Variants in KIAA0513 observed in about 807,000 individuals in gnomAD.
KIAA0513 encodes uncharacterized protein KIAA0513.
In KIAA0513, 39 loss-of-function variants were observed where a neutral mutation model predicts 56.5. The ratio of observed to expected loss-of-function variants is 0.69; its 90% CI spans 0.53 to 0.90. The LOEUF (loss-of-function observed/expected upper bound fraction) is 0.90. Ranked by LOEUF, KIAA0513 falls within the 40% of genes least tolerant of loss-of-function variation. The probability of loss-of-function intolerance (pLI) is 0.00; values close to 1 mark genes in which losing one functional copy is unlikely to be tolerated. For missense variants in KIAA0513, 591 were observed against 535.2 expected, an observed-to-expected ratio of 1.10 and a Z score of -1.03; for synonymous variants, 268 against 215.6, an observed-to-expected ratio of 1.24 and a Z score of -2.13.
chr16:85,041,583 A>C (rs576531290), intron 1 of KIAA0513, among the ~76,000 whole-genome samples: 23 of 152,196 alleles, frequency 1.5e-4, no homozygotes, highest in Admixed American at 4.6e-4. Context: ...TTGCCAAGTG[A>C]ATGGCTTGAA....
chr16:85,039,589 AAT>A (rs2073079070), intron 1 of KIAA0513, among the ~76,000 whole-genome samples: 1 of 151,980 alleles, frequency 6.6e-6, no homozygotes, highest in Non-Finnish European at 1.5e-5. Flanking sequence ...CAGACTTGGG[AAT>A]ACTCCTGAGT....
At chr16:85,071,714 C>T (rs2073576539) in intron 2 of KIAA0513, 69 bp from the exon 3 acceptor site, 9 of 1,264,084 alleles carry the variant, frequency 7.1e-6, no homozygotes, top group South Asian at 5.5e-5. Context: ...CCTTGCTCTT[C>T]CCCTGTTGCT....
intron 10 of KIAA0513, among the ~76,000 whole-genome samples, chr16:85,086,207 C>T (rs762447223): frequency 6.6e-6 from 1 of 152,306 alleles, no homozygotes; most frequent in African/African-American, 2.4e-5. Flanking sequence ...AAAAACGTTC[C>T]CTGGGCCACC....
chr16:85,078,273 A>G, intron 6 of KIAA0513, 142 bp from the exon 7 acceptor site: 2 of 763,108 alleles, frequency 2.6e-6, no homozygotes, highest in African/African-American at 1.8e-5. Context: ...TGACAAATAG[A>G]GCCTTGATTT....
intron 2 of KIAA0513, among the ~76,000 whole-genome samples, chr16:85,070,704 C>T (rs2073560915): frequency 6.6e-6 from 1 of 152,180 alleles, no homozygotes. Flanking sequence ...AATAAAAATG[C>T]ATTTATGTTT....
intron 1 of KIAA0513, among the ~76,000 whole-genome samples, chr16:85,066,057 T>C (rs1218499131): frequency 2.6e-5 from 4 of 152,180 alleles, no homozygotes; most frequent in Admixed American, 2.6e-4. Flanking sequence ...GCGTATACTT[T>C]ACGGGTAAAC....
intron 4 of KIAA0513, 85 bp downstream of exon 4, chr16:85,073,083 C>A (rs567471923): frequency 3.5e-6 from 4 of 1,149,422 alleles, no homozygotes; most frequent in South Asian, 2.5e-5. Flanking sequence ...CGTGTCATAA[C>A]CCAGCTGTGA....
intron 1 of KIAA0513, among the ~76,000 whole-genome samples, chr16:85,030,181 C>T (rs974184049): frequency 4.6e-5 from 7 of 152,156 alleles, no homozygotes; most frequent in East Asian, 1.9e-4. Flanking sequence ...TTTATTTAGA[C>T]GTCCTTGAGA....
intron 1 of KIAA0513, among the ~76,000 whole-genome samples, 173 bp downstream of exon 1, chr16:85,028,031 T>A (rs1567515854): frequency 1.3e-5 from 2 of 151,850 alleles, no homozygotes; most frequent in Non-Finnish European, 2.9e-5. Context: ...GGGCGGGGCC[T>A]CGCGGGCCGA....
rs557579217 is a variant in KIAA0513, at chr16:85,066,755, A to G, written c.-172-145A>G. 1.6e-5 allele frequency: 5 copies of G among 314,006 alleles called. No homozygotes were observed. The East Asian group carries it at 2.3e-4, about 14-fold the overall frequency. The allele number at this position is 314,006 out of a possible 1,614,324, so 19.5% of individuals were successfully genotyped here. On this transcript the variant is annotated intron_variant, in intron 1 of 12. Coordinates refer to ENST00000683363, the MANE Select transcript of KIAA0513 (RefSeq NM_001388359.1). ...ACCTACCATGGACCAGGTGTTGAAC[A>G]GTAAAGCGGACAGTAGGAAGATGAT...
chr16:85,029,936 T>A (rs1033115953), intron 1 of KIAA0513, among the ~76,000 whole-genome samples: 1 of 152,210 alleles, frequency 6.6e-6, no homozygotes, highest in East Asian at 1.9e-4. Context: ...CCAGGGTCTC[T>A]TTGCTACTGG....
chr16:85,055,029 C>T (rs769338054), intron 1 of KIAA0513, among the ~76,000 whole-genome samples: 17 of 152,040 alleles, frequency 1.1e-4, no homozygotes, highest in South Asian at 4.2e-4. Context: ...CTCAAGCAGT[C>T]CTCCCACCTC....
chr16:85,042,333 G>C (rs575592615), intron 1 of KIAA0513, among the ~76,000 whole-genome samples: 2 of 152,304 alleles, frequency 1.3e-5, no homozygotes, highest in South Asian at 4.1e-4. Context: ...CCTATAGGTT[G>C]AGTCTTTTCC....
chr16:85,075,754 A>G (rs897719865), intron 4 of KIAA0513, 90 bp from the exon 5 acceptor site: 4 of 1,068,300 alleles, frequency 3.7e-6, no homozygotes, highest in East Asian at 2.4e-5. Flanking sequence ...ATTGGGACGC[A>G]TGTGTCAAGT....
chr16:85,076,509 C>T lies in KIAA0513; in HGVS notation c.574+595C>T, dbSNP rs2073657780. On this transcript the variant is annotated intron_variant, in intron 5 of 12. Transcript: ENST00000683363. The surrounding 1 kb of genome is among the most constrained non-coding windows in gnomAD (Gnocchi z 4.7). ...GCAGCAACAGGACTCATTCAGGCCA[C>T]CATAGGTGGGAGGTTGCTGGAAGCC... Among the ~76,000 whole-genome samples, 1 of 152,176 alleles carries T rather than the reference C, an allele frequency of 6.6e-6. No homozygotes were observed. Among genetic ancestry groups the T allele is most frequent in the Admixed American group, 6.5e-5 (1 of 15,280 alleles).
intron 1 of KIAA0513, among the ~76,000 whole-genome samples, chr16:85,045,683 TG>T (rs1254633610): frequency 6.6e-6 from 1 of 152,122 alleles, no homozygotes; most frequent in Non-Finnish European, 1.5e-5. Context: ...GGACATGACA[TG>T]GAATTCCTGG....
intron 1 of KIAA0513, among the ~76,000 whole-genome samples, chr16:85,049,535 A>G (rs969644148): frequency 6.6e-6 from 1 of 152,120 alleles, no homozygotes; most frequent in Non-Finnish European, 1.5e-5. Flanking sequence ...CCCCCTTGGC[A>G]CTGTCCTCGA....
chr16:85,077,373 AG>A lies in KIAA0513; in HGVS notation c.575-50del. 3 of 1,557,104 alleles carry A rather than the reference AG, an allele frequency of 1.9e-6. No individual in the cohort carries two copies. The South Asian group carries it at 3.4e-5, about 18-fold the overall frequency. ...CTCCCTCTGGGCCTCTGCAGTTAGC[AG>A]GCGCATACCCCAGCCTCACTGGCCT... On this transcript the variant is annotated intron_variant, in intron 5 of 12. Coordinates refer to ENST00000683363, the MANE Select transcript of KIAA0513 (RefSeq NM_001388359.1).
chr16:85,037,286 G>A (rs748935244), intron 1 of KIAA0513, among the ~76,000 whole-genome samples: 2 of 152,018 alleles, frequency 1.3e-5, no homozygotes, highest in Non-Finnish European at 2.9e-5. Context: ...GAGAATCTGG[G>A]AACAGTGGAA....
Sources: allele counts gnomAD v4.1 joint callset (sites outside exome capture counted in the v4.1 genomes callset), GRCh38; gene constraint gnomAD v4.1.1; non-coding constraint Gnocchi (gnomAD v3.1); transcripts MANE v1.5; gene names NCBI Gene and HGNC (gene_info 2026-07-23, HGNC 2026-07-21).